The following STPG2 variants were observed in gnomAD, a reference collection of about 807,000 sequenced individuals.
The protein encoded by STPG2 is sperm-tail PG-rich repeat-containing protein 2.
In STPG2, 56 loss-of-function variants were observed where a neutral mutation model predicts 54.2. That is an observed-to-expected ratio of 1.03 (90% CI 0.83 to 1.29). The LOEUF (loss-of-function observed/expected upper bound fraction) is 1.29. STPG2 is among the 50% of genes most tolerant of loss of function. The probability of loss-of-function intolerance (pLI) is 0.00; values close to 1 mark genes in which losing one functional copy is unlikely to be tolerated. For synonymous variants in STPG2, 200 were observed against 181.8 expected (o/e 1.10, Z -0.81); for missense variants, 596 against 544.9 (o/e 1.09, Z -0.93).
intron 10 of STPG2, among the ~76,000 whole-genome samples, chr4:97,599,260 T>C (rs1560679180): frequency 6.6e-6 from 1 of 152,070 alleles, no homozygotes; most frequent in Non-Finnish European, 1.5e-5. Context: ...GCTGGCAAGG[T>C]TGCAGAGAAA....
chr4:97,633,511 A>T (rs1253920870), intron 10 of STPG2: 1 of 152,544 alleles, frequency 6.6e-6, no homozygotes, highest in Non-Finnish European at 1.5e-5. Context: ...GAAAAGGAAC[A>T]GCTCCAGTCT....
chr4:98,078,583 A>G (rs940757478), intron 5 of STPG2, among the ~76,000 whole-genome samples: 10 of 151,734 alleles, frequency 6.6e-5, no homozygotes, highest in African/African-American at 2.4e-4. Context: ...AAAAAAAAAA[A>G]GAAAAGAAAA....
chr4:97,970,539 G>C (rs958688631), intron 7 of STPG2, among the ~76,000 whole-genome samples: 14 of 152,106 alleles, frequency 9.2e-5, no homozygotes, highest in Non-Finnish European at 1.5e-4. Context: ...TGACAAACCT[G>C]AGAAAAACAA....
chr4:98,049,314 A>G (rs1299877011), intron 5 of STPG2, among the ~76,000 whole-genome samples: 16 of 152,190 alleles, frequency 1.1e-4, no homozygotes, highest in Admixed American at 1.0e-3. Flanking sequence ...CTTTGGTTGA[A>G]TTACTTAACC....
chr4:98,075,375 T>C (rs1560667745), intron 5 of STPG2, among the ~76,000 whole-genome samples: 1 of 152,234 alleles, frequency 6.6e-6, no homozygotes, highest in Non-Finnish European at 1.5e-5. Flanking sequence ...TTGACTAAAT[T>C]TCAAGTTTTG....
chr4:97,582,451 T>C (rs937496585), intron 10 of STPG2, among the ~76,000 whole-genome samples: 1 of 152,064 alleles, frequency 6.6e-6, no homozygotes, highest in Admixed American at 6.6e-5. Context: ...GAAGATATTA[T>C]CTTTATTATA....
chr4:97,927,355 C>G (rs964310564), intron 8 of STPG2, among the ~76,000 whole-genome samples: 1 of 151,952 alleles, frequency 6.6e-6, no homozygotes, highest in Non-Finnish European at 1.5e-5. Context: ...TCGTCACTAG[C>G]CAATGATTGC....
At chr4:97,675,154 C>G (rs994061517) in intron 10 of STPG2, among the ~76,000 whole-genome samples, 1 of 152,066 alleles carries the variant, frequency 6.6e-6, no homozygotes. Flanking sequence ...CAGGCATGCA[C>G]CACAATGCCC....
At chr4:97,829,501 A>G (rs1029719539) in intron 9 of STPG2, among the ~76,000 whole-genome samples, 15 of 152,176 alleles carry the variant, frequency 9.9e-5, no homozygotes, top group African/African-American at 3.6e-4. Flanking sequence ...CAGAAAGGTA[A>G]CAAAACTGGA....
At chr4:97,643,931 A>G (rs1721835797) in intron 10 of STPG2, among the ~76,000 whole-genome samples, 1 of 151,908 alleles carries the variant, frequency 6.6e-6, no homozygotes, top group Admixed American at 6.6e-5. Context: ...AATAAGTTAT[A>G]GTAAATTTAC....
chr4:97,903,998 T>A (rs541503369), intron 8 of STPG2, among the ~76,000 whole-genome samples: 2 of 152,234 alleles, frequency 1.3e-5, no homozygotes, highest in East Asian at 3.9e-4. Flanking sequence ...GAGATCAAAC[T>A]GCAAGGCAGC....
intron 10 of STPG2, among the ~76,000 whole-genome samples, chr4:97,562,368 A>G (rs1560661284): frequency 6.6e-6 from 1 of 152,220 alleles, no homozygotes; most frequent in African/African-American, 2.4e-5. Context: ...TTCTAGATAT[A>G]CAATCATGTC....
At chr4:97,811,595 A>C (rs1727744246) in intron 9 of STPG2, among the ~76,000 whole-genome samples, 1 of 152,244 alleles carries the variant, frequency 6.6e-6, no homozygotes, top group Middle Eastern at 3.4e-3. Flanking sequence ...ATTTTGTTAA[A>C]CCAATTTGTA....
intron 4 of STPG2, among the ~76,000 whole-genome samples, chr4:97,474,180 G>A (rs1239761286): frequency 6.6e-6 from 1 of 151,928 alleles, no homozygotes; most frequent in Non-Finnish European, 1.5e-5. Flanking sequence ...CTGTTTGTGG[G>A]AACTGGAGTT....
intron 10 of STPG2, among the ~76,000 whole-genome samples, chr4:97,609,967 T>C (rs1352669116): frequency 1.3e-5 from 2 of 151,928 alleles, no homozygotes; most frequent in Non-Finnish European, 2.9e-5. Context: ...TTTGATGTTA[T>C]ACATGTGTAT....
chr4:97,832,003 T>C lies in STPG2; in HGVS notation c.1204+8770A>G, dbSNP rs563364449. On this transcript the variant is annotated intron_variant, in intron 9 of 10. Coordinates refer to ENST00000295268, the MANE Select transcript of STPG2 (RefSeq NM_174952.3). ...GCAAACAATAGAAAAGAAGGAATCC[T>C]CCCTAACTCATTTATTGAGGCCAGA... Among the ~76,000 whole-genome samples, 6 of 152,300 alleles carry C rather than the reference T, an allele frequency of 3.9e-5. No homozygotes were observed. The South Asian group carries it at 1.2e-3, about 32-fold the overall frequency.
chr4:97,465,005 G>T (rs1457959063), intron 4 of STPG2, among the ~76,000 whole-genome samples: 1 of 152,090 alleles, frequency 6.6e-6, no homozygotes, highest in African/African-American at 2.4e-5. Context: ...AAAGGTTACA[G>T]TCTTACTTCA....
intron 9 of STPG2, among the ~76,000 whole-genome samples, chr4:97,834,448 G>A (rs1560546412): frequency 6.6e-6 from 1 of 152,020 alleles, no homozygotes; most frequent in African/African-American, 2.4e-5. Flanking sequence ...CAGGGCACAA[G>A]TATACCTATG....
intron 8 of STPG2, among the ~76,000 whole-genome samples, chr4:97,848,919 G>C (rs1251468688): frequency 6.6e-6 from 1 of 150,396 alleles, no homozygotes; most frequent in South Asian, 2.1e-4. Context: ...AGTATAGCTT[G>C]AAGTCAGGTA....
Sources: gnomAD v4.1 joint callset for allele counts (sites outside exome capture counted in the v4.1 genomes callset) on GRCh38, gnomAD v4.1.1 for gene constraint, MANE v1.5 for transcripts, NCBI Gene and HGNC (gene_info 2026-07-23, HGNC 2026-07-21) for gene names.